The following KCNN4 variants were observed in gnomAD, a reference collection of about 807,000 sequenced individuals.
KCNN4 encodes intermediate conductance calcium-activated potassium channel protein 4.
Under a neutral mutation model 45.2 loss-of-function variants are expected in KCNN4, and 31 were observed. The ratio of observed to expected loss-of-function variants is 0.69; its 90% CI spans 0.52 to 0.92. The LOEUF (loss-of-function observed/expected upper bound fraction) is 0.92, where lower values mean the gene tolerates loss of function less well. Ranked by LOEUF, KCNN4 falls within the 40% of genes least tolerant of loss-of-function variation. The probability of loss-of-function intolerance (pLI) is 0.00; values close to 1 mark genes in which losing one functional copy is unlikely to be tolerated. For missense variants in KCNN4, 463 were observed against 574.0 expected (o/e 0.81, Z 1.98); for synonymous variants, 231 against 254.6 (o/e 0.91, Z 0.88).
At position 43,774,612 on chromosome 19, in the gene KCNN4, A is replaced by G. The variant is rs201220075; in HGVS notation, c.263T>C (p.Met88Thr). The change falls in exon 3 of 9, where the codon ATG becomes ACG. Residue 88 changes from methionine (M) to threonine (T), a missense_variant. Met to Thr is a moderately conservative substitution (Grantham distance 81, BLOSUM62 -1). This residue lies in a region of KCNN4 where 225 missense variants were observed against 240.9 expected (regional missense o/e 0.93). Coordinates refer to ENST00000648319, the MANE Select transcript of KCNN4 (RefSeq NM_002250.3). The surrounding 1 kb of genome is among the most constrained non-coding windows in gnomAD (Gnocchi z 5.6). ...CCAGTCCCGCAGCCCGTTGTCGGTCATGAACAGCTGCCGGTAGGGGGCCAA... is the reference window on the plus strand; with the variant it reads ...CCAGTCCCGCAGCCCGTTGTCGGTCGTGAACAGCTGCCGGTAGGGGGCCAA... ...AFHAKEVQLF[M>T]TDNGLRDWRV... The G allele has an allele frequency of 2.0e-6, 3 of 1,501,026 alleles. No individual in the cohort carries two copies. The highest frequency in any genetic ancestry group is 8.8e-7 in the Non-Finnish European group (1 of 1,134,532). 93.0% of individuals were successfully genotyped at this position (1,501,026 alleles called of 1,614,324 possible).
chr19:43,776,468 G>A, intron 2 of KCNN4, 73 bp downstream of exon 2: 1 of 997,824 alleles, frequency 1.0e-6, no homozygotes, highest in South Asian at 1.3e-5. Context: ...GGAGGAGGAG[G>A]GTGGAAAGTG....
chr19:43,777,274 T>C (rs1470690443), intron 1 of KCNN4, among the ~76,000 whole-genome samples: 1 of 151,278 alleles, frequency 6.6e-6, no homozygotes, highest in Non-Finnish European at 1.5e-5. Flanking sequence ...TCCTGTCCCA[T>C]TTCACATCAA....
chr19:43,773,154 A>G (rs952406448), intron 3 of KCNN4, among the ~76,000 whole-genome samples: 2 of 152,228 alleles, frequency 1.3e-5, no homozygotes, highest in Non-Finnish European at 1.5e-5. Flanking sequence ...AAAACTAGTC[A>G]GGCATGGTGG....
chr19:43,773,311 G>A (rs565231209), intron 3 of KCNN4, among the ~76,000 whole-genome samples: 2 of 152,346 alleles, frequency 1.3e-5, no homozygotes, highest in Admixed American at 1.3e-4. Context: ...AGAACTGCCA[G>A]GGAGACTACA....
Position 43,774,366 on chromosome 19 carries a change from C to A in KCNN4, c.509G>T (p.Arg170Leu). ...LYLVPRAVLL[R>L]SGVLLNASYR... ...GGAAGCGTTGAGCAGGACGCCGCTG[C>A]GCAGGAGCACGGCGCGGGGCACCAG... Residue 170 changes from arginine to leucine, a missense_variant, in exon 3 of 9, where the codon CGC (arginine) becomes CTC (leucine). Coordinates refer to ENST00000648319, the MANE Select transcript of KCNN4 (RefSeq NM_002250.3). The surrounding 1 kb of genome is among the most constrained non-coding windows in gnomAD (Gnocchi z 5.6). The A allele has an allele frequency of 6.2e-7, 1 of 1,606,788 alleles. No individual in the cohort carries two copies. The highest frequency in any genetic ancestry group is 8.5e-7 in the Non-Finnish European group (1 of 1,176,816).
At chr19:43,775,831 C>A (rs537438944) in intron 2 of KCNN4, among the ~76,000 whole-genome samples, 3 of 151,820 alleles carry the variant, frequency 2.0e-5, no homozygotes, top group Non-Finnish European at 4.4e-5. Context: ...TAGGAGTGGG[C>A]ACCCCTGGGA....
chr19:43,770,834 T>A (rs1568391232), intron 4 of KCNN4, among the ~76,000 whole-genome samples: 2 of 152,302 alleles, frequency 1.3e-5, no homozygotes, highest in African/African-American at 4.8e-5. Context: ...CAAGTGCACA[T>A]CACCCTATCT....
At chr19:43,770,002 C>T (rs545795607) in intron 4 of KCNN4, among the ~76,000 whole-genome samples, 173 bp from the exon 5 acceptor site, 4 of 152,196 alleles carry the variant, frequency 2.6e-5, no homozygotes, top group South Asian at 2.1e-4. Context: ...AATCATAAAT[C>T]GCATACGTCC....
Position 43,769,432 on chromosome 19 carries a change from C to T in KCNN4, c.1049+10G>A, listed in dbSNP as rs755765910. ...CACATGGACACGTGTGCATACAAAGCGGCCCTCACGCGTTGATGGCGGCCA... is the reference window on the plus strand; with the variant it reads ...CACATGGACACGTGTGCATACAAAGTGGCCCTCACGCGTTGATGGCGGCCA... On this transcript the variant is annotated intron_variant, in intron 6 of 8. Coordinates refer to ENST00000648319, the MANE Select transcript of KCNN4 (RefSeq NM_002250.3). The surrounding 1 kb of genome is among the most constrained non-coding windows in gnomAD (Gnocchi z 4.4). 1.3e-5 allele frequency: 21 copies of T among 1,605,228 alleles called. No individual in the cohort carries two copies. The highest frequency in any genetic ancestry group is 8.8e-5 in the South Asian group (8 of 90,934).
chr19:43,766,633 C>T lies in KCNN4; in HGVS notation c.*460G>A, dbSNP rs1419799397. ...CTCTGCAGCTCTGGAAAAATGGTGT[C>T]CTCTTTGTTGTCCCACCAGGGGGCG... On this transcript the variant is annotated 3_prime_UTR_variant, in exon 9 of 9. Transcript: ENST00000648319. 1.3e-5 allele frequency: 2 copies of T among 152,496 alleles called. No homozygotes were observed. Among genetic ancestry groups the T allele is most frequent in the African/African-American group, 4.8e-5 (2 of 41,438 alleles). 9.4% of individuals were successfully genotyped at this position (152,496 alleles called of 1,614,324 possible). A position where few individuals can be genotyped will look rare whatever the true frequency, so the allele number is the denominator to read the frequency against.
intron 2 of KCNN4, 136 bp downstream of exon 2, chr19:43,776,405 G>T: frequency 3.0e-6 from 2 of 659,964 alleles, no homozygotes; most frequent in South Asian, 3.5e-5. Context: ...CTGGGTAGGT[G>T]AGGGTGTGGA....
At position 43,766,826 on chromosome 19, in the gene KCNN4, T is replaced by C. The variant is rs957511445; in HGVS notation, c.*267A>G. 1 of 152,610 alleles carries C rather than the reference T, an allele frequency of 6.6e-6. No individual in the cohort carries two copies. The highest frequency in any genetic ancestry group is 2.4e-5 in the African/African-American group (1 of 41,400). 9.5% of individuals were successfully genotyped at this position (152,610 alleles called of 1,614,324 possible). On this transcript the variant is annotated 3_prime_UTR_variant, in exon 9 of 9. Coordinates refer to ENST00000648319, the MANE Select transcript of KCNN4 (RefSeq NM_002250.3). Reference sequence around the variant, plus strand: ...GTAACTGAGAGCTGGAGGTCGTCCATAGCAGCATAGTGAGAGTGTTTTTGA... The same window carrying C: ...GTAACTGAGAGCTGGAGGTCGTCCACAGCAGCATAGTGAGAGTGTTTTTGA...
At chr19:43,768,870 C>T in intron 7 of KCNN4, 93 bp downstream of exon 7, 1 of 1,240,802 alleles carries the variant, frequency 8.1e-7, no homozygotes, top group Non-Finnish European at 1.2e-6. Flanking sequence ...GTGCCAGGCC[C>T]CTGCCAAGGT....
In KCNN4 at chr19:43,780,921, C is replaced by G. The variant is rs202011265; in HGVS notation, c.-60G>C. 1 of 1,562,216 alleles carries G rather than the reference C, an allele frequency of 6.4e-7. No homozygotes were observed. Among genetic ancestry groups the G allele is most frequent in the Non-Finnish European group, 8.8e-7 (1 of 1,140,810 alleles). ...GCCCAGGGTCCCCCACCTCGCAGCA[C>G]GCACAGGGCAGCCACTGTGGCTTGC... On this transcript the variant is annotated 5_prime_UTR_variant, in exon 1 of 9. Coordinates refer to ENST00000648319, the MANE Select transcript of KCNN4 (RefSeq NM_002250.3).
chr19:43,773,800 G>C (rs759491009), intron 3 of KCNN4, among the ~76,000 whole-genome samples: 2 of 152,114 alleles, frequency 1.3e-5, no homozygotes, highest in Non-Finnish European at 2.9e-5. Context: ...AGTGCATTCC[G>C]TGCTAATTGG....
rs759256795 is a variant in KCNN4 at position 43,767,536 on chromosome 19, T to A, written c.*3+4A>T. 1 of 1,612,624 alleles carries A rather than the reference T, an allele frequency of 6.2e-7. No individual in the cohort carries two copies. The highest frequency in any genetic ancestry group is 8.5e-7 in the Non-Finnish European group (1 of 1,179,538). On this transcript the variant is annotated splice_donor_region_variant and intron_variant, in intron 8 of 8. Transcript: ENST00000648319. ...CCTTCCTGCCCAAGTCCCAGCCCCC[T>A]CACCAGCTACTTGGACTGCTGGCTG...
At position 43,774,627 on chromosome 19, in the gene KCNN4, T is replaced by C. The variant is rs649540; in HGVS notation, c.256-8A>G. ...GTTGTCGGTCATGAACAGCTGCCGG[T>C]AGGGGGCCAAGAAGGGAGGGGTCAG... is the stretch of plus-strand genomic sequence containing the variant. On this transcript the variant is annotated splice_polypyrimidine_tract_variant and splice_region_variant and intron_variant, in intron 2 of 8. Transcript: ENST00000648319. This position sits in a 1 kb window ranked among gnomAD's most constrained non-coding sequence, Gnocchi z 5.6. 1 of 1,487,838 alleles carries C rather than the reference T, an allele frequency of 6.7e-7. No individual in the cohort carries two copies. Among genetic ancestry groups the C allele is most frequent in the Admixed American group, 2.3e-5 (1 of 42,926 alleles). The allele number at this position is 1,487,838 out of a possible 1,614,324, so 92.2% of individuals were successfully genotyped here.
At chr19:43,779,170 TG>T (rs1381984582) in intron 1 of KCNN4, among the ~76,000 whole-genome samples, 2 of 152,012 alleles carry the variant, frequency 1.3e-5, no homozygotes, top group African/African-American at 4.8e-5. Flanking sequence ...GGCCTGGCCA[TG>T]GTGGAGGGAA....
rs571155162 is a variant in KCNN4, at chr19:43,767,805, T to C, written c.1120-98A>G. The C allele has an allele frequency of 1.5e-5, 21 of 1,428,164 alleles. No homozygotes were observed. In the African/African-American group the frequency reaches 1.7e-4, roughly 11 times the overall value. 88.5% of individuals were successfully genotyped at this position (1,428,164 alleles called of 1,614,324 possible). A position where few individuals can be genotyped will look rare whatever the true frequency, so the allele number is the denominator to read the frequency against. ...GGAACCAATATTGACCACATCCTTA[T>C]GGTCCTCTGAGGATTACCCTCGACA... On this transcript the variant is annotated intron_variant, in intron 7 of 8. Transcript: ENST00000648319.
Sources: gnomAD v4.1 joint callset for allele counts (sites outside exome capture counted in the v4.1 genomes callset) on GRCh38, gnomAD v4.1.1 for gene constraint, gnomAD v4.1.1 regional missense constraint, Gnocchi (gnomAD v3.1) non-coding constraint, MANE v1.5 for transcripts, NCBI Gene and HGNC (gene_info 2026-07-23, HGNC 2026-07-21) for gene names.